Variants in PDE6G observed in about 807,000 individuals in gnomAD.
PDE6G encodes the protein rod cGMP 3',5'-cyclic phosphodiesterase subunit gamma.
PDE6G carries 10 observed loss-of-function variants against 10.9 expected under a neutral mutation model. That is an observed-to-expected ratio of 0.91 (90% confidence interval 0.56 to 1.55). The LOEUF (loss-of-function observed/expected upper bound fraction) is 1.55. Among genes scored for constraint, PDE6G ranks in the 40% most tolerant of loss-of-function variants. The pLI is 0.00. For synonymous variants in PDE6G, 41 were observed against 42.8 expected (o/e 0.96, Z 0.16); for missense variants, 102 against 110.1 (o/e 0.93, Z 0.33).
chr17:81,650,687 A>C lies in PDE6G; in HGVS notation c.*387T>G. Reference sequence around the variant, plus strand: ...GGCAGGACAGGGGGCTGGGGTGCAGAAGCACTCTGGGGAGACCTGCCCTAG... The same window carrying C: ...GGCAGGACAGGGGGCTGGGGTGCAGCAGCACTCTGGGGAGACCTGCCCTAG... On this transcript the variant is annotated 3_prime_UTR_variant, in exon 4 of 4. Transcript: ENST00000331056. The C allele has an allele frequency of 2.2e-6, 1 of 458,996 alleles. No individual in the cohort carries two copies. The highest frequency in any genetic ancestry group is 1.6e-5 in the South Asian group (1 of 64,498). 28.4% of individuals were successfully genotyped at this position (458,996 alleles called of 1,614,324 possible).
At chr17:81,654,572 T>G (rs1488065361) in intron 1 of PDE6G, among the ~76,000 whole-genome samples, 2 of 151,736 alleles carry the variant, frequency 1.3e-5, no homozygotes, top group African/African-American at 4.8e-5. Flanking sequence ...TTAGTACAGA[T>G]GGGGTTTCAC....
At chr17:81,661,270 C>T (rs1431443475), upstream of PDE6G, among the ~76,000 whole-genome samples, 2 of 152,158 alleles carry the variant, frequency 1.3e-5, no homozygotes, top group Non-Finnish European at 2.9e-5. Context: ...CCTGTAGTCC[C>T]AGCTACTTGG....
intron 1 of PDE6G, among the ~76,000 whole-genome samples, chr17:81,661,989 C>T (rs2036516713): frequency 6.6e-6 from 1 of 151,904 alleles, no homozygotes; most frequent in African/African-American, 2.4e-5. Context: ...CAAGATCGCA[C>T]CACTACACTC....
At position 81,662,200 on chromosome 17, in the gene PDE6G, G is replaced by T. The variant is rs552849229; in HGVS notation, c.-60+859C>A. 7.2e-5 allele frequency among the ~76,000 whole-genome samples: 11 copies of T among 152,198 alleles called. No homozygotes were observed. The South Asian group carries it at 2.3e-3, about 32-fold the overall frequency. On this transcript the variant is annotated intron_variant, in intron 1 of 3. Transcript: ENST00000571224. ...TGTCCACGTTGGGCACATGTTGCCAGGACCTCCTGAGGCTGTCACAGGCAT... is the reference window on the plus strand; with the variant it reads ...TGTCCACGTTGGGCACATGTTGCCATGACCTCCTGAGGCTGTCACAGGCAT...
upstream of PDE6G, among the ~76,000 whole-genome samples, chr17:81,657,885 GAATAAATAAATA>G (rs1014787399): frequency 4.9e-5 from 6 of 122,618 alleles, no homozygotes; most frequent in South Asian, 4.8e-4. Flanking sequence ...TGTTTCAAAT[GAATAAATAAATA>G]AATAAATAAA....
upstream of PDE6G, among the ~76,000 whole-genome samples, chr17:81,658,302 TC>T (rs1356130588): frequency 6.6e-6 from 1 of 151,338 alleles, no homozygotes; most frequent in Non-Finnish European, 1.5e-5. Context: ...GCCAGGATGG[TC>T]TCAATCTCCT....
In PDE6G at chr17:81,651,199, A is replaced by AC. The variant is rs771384990; in HGVS notation, c.188-50dup. ...TCAGAGAGGATCCCACGGCCTAGGG[A>AC]CCCCCCCATCCCCTGTGGCCCTGTT... On this transcript the variant is annotated intron_variant, in intron 3 of 3. Coordinates refer to ENST00000331056, the MANE Select transcript of PDE6G (RefSeq NM_002602.4). This position sits in a 1 kb window ranked among gnomAD's most constrained non-coding sequence, Gnocchi z 4.8. The AC allele has an allele frequency of 3.5e-5, 48 of 1,376,018 alleles. No homozygotes were observed. Among genetic ancestry groups the AC allele is most frequent in the African/African-American group, 1.3e-4 (9 of 69,906 alleles). The allele number at this position is 1,376,018 out of a possible 1,614,324, so 85.2% of individuals were successfully genotyped here.
chr17:81,657,319 C>A (rs1475284893), upstream of PDE6G, among the ~76,000 whole-genome samples: 2 of 152,194 alleles, frequency 1.3e-5, no homozygotes, highest in African/African-American at 4.8e-5. Context: ...ACCTAAATTT[C>A]TTCCTGAGGG....
upstream of PDE6G, among the ~76,000 whole-genome samples, chr17:81,658,397 T>C (rs1488718250): frequency 6.7e-6 from 1 of 148,702 alleles, no homozygotes; most frequent in Non-Finnish European, 1.5e-5. Context: ...GTGGCTCACT[T>C]CTATAGACCC....
At chr17:81,659,194 G>C (rs1436640312), upstream of PDE6G, among the ~76,000 whole-genome samples, 2 of 123,840 alleles carry the variant, frequency 1.6e-5, no homozygotes, top group South Asian at 2.5e-4. Flanking sequence ...ATCTGGCTCT[G>C]TCACCTAGGC....
Position 81,651,122 on chromosome 17 carries a change from G to A in PDE6G, c.216C>T (p.Ala72=), listed in dbSNP as rs376587590. ...TDITVICPWE[A]FNHLELHELA... Reference sequence around the variant, plus strand: ...GCTCGTGCAGCTCCAGGTGGTTGAAGGCCTCCCAAGGGCAGATGACTGTGA... The same window carrying A: ...GCTCGTGCAGCTCCAGGTGGTTGAAAGCCTCCCAAGGGCAGATGACTGTGA... Residue 72 remains alanine, a synonymous_variant, in exon 4 of 4, where the codon GCC becomes GCT. Transcript: ENST00000331056. This position sits in a 1 kb window ranked among gnomAD's most constrained non-coding sequence, Gnocchi z 4.8. 9.3e-6 allele frequency: 15 copies of A among 1,613,766 alleles called. No homozygotes were observed. Among genetic ancestry groups the A allele is most frequent in the Non-Finnish European group, 1.3e-5 (15 of 1,179,784 alleles).
Position 81,653,008 on chromosome 17 carries a change from G to T in PDE6G, c.146+152C>A. ...CTTCCCCCTCCTCCATCCCTGCTCA[G>T]GCCCTCAGGCACCGCCCTACCTTCC... On this transcript the variant is annotated intron_variant, in intron 2 of 3. Transcript: ENST00000331056. The surrounding 1 kb of genome is among the most constrained non-coding windows in gnomAD (Gnocchi z 5.2). 1 of 891,362 alleles carries T rather than the reference G, an allele frequency of 1.1e-6. No homozygotes were observed. The highest frequency in any genetic ancestry group is 1.9e-6 in the Non-Finnish European group (1 of 538,016). 55.2% of individuals were successfully genotyped at this position (891,362 alleles called of 1,614,324 possible). A position where few individuals can be genotyped will look rare whatever the true frequency, so the allele number is the denominator to read the frequency against.
upstream of PDE6G, chr17:81,657,164 AG>A: frequency 6.3e-6 from 1 of 158,430 alleles, no homozygotes; most frequent in Non-Finnish European, 1.4e-5. Flanking sequence ...GAGTCCCGAG[AG>A]TCTCCACAGA....
Position 81,651,010 on chromosome 17 carries a change from C to A in PDE6G, c.*64G>T, listed in dbSNP as rs1241627174. The A allele has an allele frequency of 1.6e-6, 2 of 1,250,930 alleles. No homozygotes were observed. Among genetic ancestry groups the A allele is most frequent in the South Asian group, 2.4e-5 (2 of 83,604 alleles). The allele number at this position is 1,250,930 out of a possible 1,614,324, so 77.5% of individuals were successfully genotyped here. On this transcript the variant is annotated 3_prime_UTR_variant, in exon 4 of 4. Transcript: ENST00000331056. This position sits in a 1 kb window ranked among gnomAD's most constrained non-coding sequence, Gnocchi z 4.8. ...GGGAGGCATCTCCTCAACAGGAATC[C>A]TGAGCAGGGTTTAGAGCACAGTGGG...
At chr17:81,655,278 G>A (rs1376607632) in intron 1 of PDE6G, among the ~76,000 whole-genome samples, 1 of 152,204 alleles carries the variant, frequency 6.6e-6, no homozygotes, top group Non-Finnish European at 1.5e-5. Context: ...TCAGAGACTT[G>A]GTGCTGAGCT....
chr17:81,659,151 C>CTTTTTTTT (rs779928637), upstream of PDE6G, among the ~76,000 whole-genome samples: 1 of 114,702 alleles, frequency 8.7e-6, no homozygotes, highest in Non-Finnish European at 1.7e-5. Flanking sequence ...CAATCCATAT[C>CTTTTTTTT]TTTTTTTTTT....
At chr17:81,660,410 A>G (rs901988940), upstream of PDE6G, among the ~76,000 whole-genome samples, 2 of 152,210 alleles carry the variant, frequency 1.3e-5, no homozygotes, top group African/African-American at 4.8e-5. Flanking sequence ...TCTGTCTCAA[A>G]ACAAAAAAAT....
At chr17:81,656,545 C>A (rs750121757), upstream of PDE6G, 1 of 762,822 alleles carries the variant, frequency 1.3e-6, no homozygotes. Flanking sequence ...GGCCTCCCTC[C>A]GCAGGGTGCC....
rs547743655 is a variant in PDE6G at position 81,653,021 on chromosome 17, C to T, written c.146+139G>A. The T allele has an allele frequency of 1.5e-5, 15 of 1,031,938 alleles. No individual in the cohort carries two copies. The Middle Eastern group carries it at 7.6e-4, about 52-fold the overall frequency. The allele number at this position is 1,031,938 out of a possible 1,614,324, so 63.9% of individuals were successfully genotyped here. Reference sequence around the variant, plus strand: ...CATCCCTGCTCAGGCCCTCAGGCACCGCCCTACCTTCCCCAGCTGTGAGGC... The same window carrying T: ...CATCCCTGCTCAGGCCCTCAGGCACTGCCCTACCTTCCCCAGCTGTGAGGC... On this transcript the variant is annotated intron_variant, in intron 2 of 3. Coordinates refer to ENST00000331056, the MANE Select transcript of PDE6G (RefSeq NM_002602.4). The surrounding 1 kb of genome is among the most constrained non-coding windows in gnomAD (Gnocchi z 5.2).
Sources: allele counts gnomAD v4.1 joint callset (sites outside exome capture counted in the v4.1 genomes callset), GRCh38; gene constraint gnomAD v4.1.1; non-coding constraint Gnocchi (gnomAD v3.1); transcripts MANE v1.5; gene names NCBI Gene and HGNC (gene_info 2026-07-23, HGNC 2026-07-21).